DMD: variants seen among roughly 807,000 people sequenced by gnomAD.
DMD encodes the protein dystrophin.
Under a neutral mutation model 330.1 loss-of-function variants are expected in DMD, and 63 were observed. The observed-to-expected ratio is 0.19, with a 90% CI of 0.16 to 0.24. The LOEUF (loss-of-function observed/expected upper bound fraction) is 0.24, where lower values mean the gene tolerates loss of function less well. Ranked by LOEUF, DMD falls within the 10% of genes least tolerant of loss-of-function variation. The pLI, the probability that DMD is intolerant of heterozygous loss-of-function variation, is 1.00. For missense variants in DMD, 3,344 were observed against 2,684.1 expected (o/e 1.25, Z -5.43); for synonymous variants, 1,223 against 959.8 (o/e 1.27, Z -5.07).
At chrX:32,479,023 C>T (rs1360104266) in intron 21 of DMD, among the ~76,000 whole-genome samples, 2 of 111,512 alleles carry the variant, frequency 1.8e-5, no homozygotes, top group South Asian at 3.7e-4. Flanking sequence ...TAAGTATAAA[C>T]TACCACACTA....
intron 60 of DMD, among the ~76,000 whole-genome samples, chrX:31,434,532 G>A (rs2064372764): frequency 9.4e-6 from 1 of 106,652 alleles, no homozygotes; most frequent in Non-Finnish European, 1.9e-5. Flanking sequence ...TGACACATTT[G>A]TAATTATTTT....
intron 7 of DMD, among the ~76,000 whole-genome samples, chrX:32,739,345 G>T (rs997889503): frequency 9.0e-6 from 1 of 111,375 alleles, no homozygotes; most frequent in Non-Finnish European, 1.9e-5. Context: ...GGCAAAATCA[G>T]GAATAAAAAA....
rs757321130 is a variant in DMD, at chrX:32,783,386, C to CAT, written c.649+26105_649+26106dup. Among the ~76,000 whole-genome samples the CAT allele has an allele frequency of 5.4e-4, 54 of 99,821 alleles. 1 individual carries two copies. Among genetic ancestry groups the CAT allele is most frequent in the Non-Finnish European group, 1.0e-3 (51 of 48,698 alleles). The allele number at this position is 99,821 out of a possible 115,157, so 86.7% of individuals were successfully genotyped here. A position where few individuals can be genotyped will look rare whatever the true frequency, so the allele number is the denominator to read the frequency against. ...CACACATATATATACACATATATACCATATATATACACACACACCCCTAGT... is the reference window on the plus strand; with the variant it reads ...CACACATATATATACACATATATACCATATATATATACACACACACCCCTAGT... On this transcript the variant is annotated intron_variant, in intron 7 of 78. Transcript: ENST00000357033.
intron 2 of DMD, among the ~76,000 whole-genome samples, chrX:32,996,052 A>G (rs1042259370): frequency 8.9e-6 from 1 of 112,190 alleles, no homozygotes; most frequent in Non-Finnish European, 1.9e-5. Context: ...CTTTCCAAGT[A>G]ATGAAAACGT....
At chrX:33,217,915 C>A (rs1012593232) in intron 1 of DMD, among the ~76,000 whole-genome samples, 2 of 111,083 alleles carry the variant, frequency 1.8e-5, no homozygotes, top group African/African-American at 6.5e-5. Flanking sequence ...CTGATTTGTA[C>A]GCTTTTATCC....
Position 33,203,068 on chromosome X carries a change from G to GA in DMD, c.31+8213dup, listed in dbSNP as rs754763472. On this transcript the variant is annotated intron_variant, in intron 1 of 78. Transcript: ENST00000357033. ...TTGTGATTCTGGCTTTATTTAAACT[G>GA]AAATGTCAATGTTTTCTAGGTATTT... 1.4e-4 allele frequency among the ~76,000 whole-genome samples: 16 copies of GA among 111,551 alleles called. No homozygotes were observed. The South Asian group carries it at 5.5e-3, about 39-fold the overall frequency.
At chrX:31,648,130 T>C (rs1383150587) in intron 54 of DMD, among the ~76,000 whole-genome samples, 3 of 111,573 alleles carry the variant, frequency 2.7e-5, no homozygotes, top group Non-Finnish European at 5.6e-5. Flanking sequence ...CTTTTAACTG[T>C]TAATAAACAG....
chrX:32,726,082 AAT>A (rs1463038188), intron 7 of DMD, among the ~76,000 whole-genome samples: 1 of 111,249 alleles, frequency 9.0e-6, no homozygotes, highest in African/African-American at 3.3e-5. Context: ...ACTTTTATCC[AAT>A]ATATATGTTA....
chrX:33,180,214 A>G (rs2049917613), intron 1 of DMD, among the ~76,000 whole-genome samples: 1 of 112,228 alleles, frequency 8.9e-6, no homozygotes, highest in East Asian at 2.8e-4. Flanking sequence ...TTAAATAACG[A>G]ACAAACCTCC....
intron 62 of DMD, among the ~76,000 whole-genome samples, chrX:31,314,077 C>T (rs1485767646): frequency 8.9e-6 from 1 of 111,811 alleles, no homozygotes; most frequent in Non-Finnish European, 1.9e-5. Context: ...TCAAGTGATC[C>T]ACCCACCTTG....
chrX:32,608,745 C>T lies in DMD; in HGVS notation c.1482+5558G>A, dbSNP rs1181837978. ...GAGCATCAATTATTGACTAAGCACTCTGAAAACACAAAAGAAATCTGGCTC... is the reference window on the plus strand; with the variant it reads ...GAGCATCAATTATTGACTAAGCACTTTGAAAACACAAAAGAAATCTGGCTC... On this transcript the variant is annotated intron_variant, in intron 12 of 78. Transcript: ENST00000357033. Among the ~76,000 whole-genome samples, 4 of 110,666 alleles carry T rather than the reference C, an allele frequency of 3.6e-5. No individual in the cohort carries two copies. In the Admixed American group the frequency reaches 3.8e-4, roughly 11 times the overall value.
At chrX:32,027,181 C>G (rs780981120) in intron 44 of DMD, among the ~76,000 whole-genome samples, 2 of 90,832 alleles carry the variant, frequency 2.2e-5, no homozygotes, top group Admixed American at 1.1e-4. Flanking sequence ...CACACACACA[C>G]ACAGAGAGAG....
intron 47 of DMD, among the ~76,000 whole-genome samples, chrX:31,882,750 G>A (rs975663568): frequency 2.7e-5 from 3 of 111,841 alleles, no homozygotes; most frequent in Non-Finnish European, 5.6e-5. Flanking sequence ...GGCACTAATC[G>A]TCAGGTGATT....
At chrX:32,700,928 T>G (rs1353702387) in intron 7 of DMD, among the ~76,000 whole-genome samples, 1 of 112,027 alleles carries the variant, frequency 8.9e-6, no homozygotes, top group Admixed American at 9.5e-5. Flanking sequence ...CATCAATTCT[T>G]TTGCAAGTAT....
intron 59 of DMD, among the ~76,000 whole-genome samples, chrX:31,450,308 A>T (rs752027135): frequency 2.7e-5 from 3 of 112,040 alleles, no homozygotes; most frequent in Non-Finnish European, 3.8e-5. Flanking sequence ...CAGCAGGTAC[A>T]GCCCAGCTAT....
At chrX:32,939,034 C>T (rs1435722757) in intron 2 of DMD, among the ~76,000 whole-genome samples, 9 of 109,810 alleles carry the variant, frequency 8.2e-5, no homozygotes, top group African/African-American at 3.0e-4. Flanking sequence ...GGGGATTTTA[C>T]GTTTTTCATA....
chrX:32,687,521 T>C (rs999667092), intron 9 of DMD, among the ~76,000 whole-genome samples: 2 of 110,550 alleles, frequency 1.8e-5, no homozygotes, highest in Non-Finnish European at 3.8e-5. Context: ...CTTGGTACTC[T>C]TTGGGTCACT....
At chrX:32,372,353 C>T (rs1229592103) in intron 34 of DMD, among the ~76,000 whole-genome samples, 1 of 111,480 alleles carries the variant, frequency 9.0e-6, no homozygotes, top group East Asian at 2.8e-4. Flanking sequence ...GAATGAATTA[C>T]TATTGCCTAC....
rs1032762656 is a variant in DMD, at chrX:32,454,773, T to A, written c.3492A>T (p.Lys1164Asn). Residue 1164 changes from lysine to asparagine, a missense_variant, in exon 26 of 79, where the codon AAA becomes AAT. Lys to Asn is a moderately conservative substitution (Grantham distance 94, BLOSUM62 0). Transcript: ENST00000357033. ...GGLEKTVSLQ[K>N]DLSEMHEWMT... ...TCCATTCGTGCATCTCTGATAGATCTTTCTGGAGGCTTACAGTTTTCTCCA... is the reference window on the plus strand; with the variant it reads ...TCCATTCGTGCATCTCTGATAGATCATTCTGGAGGCTTACAGTTTTCTCCA... 1.7e-6 allele frequency: 2 copies of A among 1,204,926 alleles called. No homozygotes were observed. The highest frequency in any genetic ancestry group is 3.5e-5 in the African/African-American group (2 of 56,592).
Sources: gnomAD v4.1 joint callset for allele counts (sites outside exome capture counted in the v4.1 genomes callset) on GRCh38, gnomAD v4.1.1 for gene constraint, MANE v1.5 for transcripts, NCBI Gene and HGNC (gene_info 2026-07-23, HGNC 2026-07-21) for gene names.